The following TBC1D5 variants were observed in gnomAD, a reference collection of about 807,000 sequenced individuals.
TBC1D5 encodes TBC1 domain family, member 5.
TBC1D5 carries 75 observed loss-of-function variants against 100.3 expected under a neutral mutation model. The ratio of observed to expected loss-of-function variants is 0.75; its 90% CI spans 0.62 to 0.91. TBC1D5 has a LOEUF of 0.91. Among genes scored for constraint, TBC1D5 ranks in the 40% least tolerant of loss-of-function variants. The probability of loss-of-function intolerance (pLI) is 0.00; values close to 1 mark genes in which losing one functional copy is unlikely to be tolerated. For missense variants in TBC1D5, 910 were observed against 942.4 expected (o/e 0.97, Z 0.45); for synonymous variants, 323 against 325.6 (o/e 0.99, Z 0.09).
intron 1 of TBC1D5, among the ~76,000 whole-genome samples, chr3:17,693,911 T>C (rs528880236): frequency 6.6e-6 from 1 of 152,252 alleles, no homozygotes; most frequent in Non-Finnish European, 1.5e-5. Flanking sequence ...TCTGCAATAT[T>C]TGCTGTTCTG....
At chr3:17,729,178 A>C (rs2153982561) in intron 1 of TBC1D5, among the ~76,000 whole-genome samples, 1 of 152,162 alleles carries the variant, frequency 6.6e-6, no homozygotes, top group African/African-American at 2.4e-5. Flanking sequence ...TTCTAAACAA[A>C]TTAGTTCTCT....
intron 18 of TBC1D5, among the ~76,000 whole-genome samples, chr3:17,211,514 G>C (rs1195409619): frequency 6.6e-6 from 1 of 152,156 alleles, no homozygotes; most frequent in Non-Finnish European, 1.5e-5. Flanking sequence ...CATAGGGAAG[G>C]GAATCTAATT....
intron 8 of TBC1D5, among the ~76,000 whole-genome samples, chr3:17,387,519 T>C (rs2093202335): frequency 6.6e-6 from 1 of 152,036 alleles, no homozygotes. Context: ...ATCCAGAAGA[T>C]GTTACATTTA....
chr3:17,524,148 T>G (rs1469095645), intron 2 of TBC1D5, among the ~76,000 whole-genome samples: 2 of 152,158 alleles, frequency 1.3e-5, no homozygotes, highest in African/African-American at 2.4e-5. Context: ...GAACGGAATT[T>G]TATACATATA....
At chr3:17,471,670 C>CAAA (rs753132440) in intron 3 of TBC1D5, among the ~76,000 whole-genome samples, 9 of 22,274 alleles carry the variant, frequency 4.0e-4, no homozygotes, top group South Asian at 1.3e-3. Context: ...GACTCCGTCT[C>CAAA]AAAAAAAAAA....
intron 17 of TBC1D5, among the ~76,000 whole-genome samples, chr3:17,224,169 T>A (rs574504472): frequency 6.6e-6 from 1 of 152,180 alleles, no homozygotes. Flanking sequence ...TATATTACAA[T>A]GGACAAATTT....
intron 1 of TBC1D5, among the ~76,000 whole-genome samples, chr3:17,723,897 C>T (rs2153971355): frequency 6.6e-6 from 1 of 152,002 alleles, no homozygotes; most frequent in East Asian, 1.9e-4. Context: ...GTTCAAGGGT[C>T]AACTACATTA....
chr3:17,721,350 T>A (rs947065748), intron 1 of TBC1D5, among the ~76,000 whole-genome samples: 3 of 152,210 alleles, frequency 2.0e-5, no homozygotes, highest in African/African-American at 7.2e-5. Context: ...GTACATAGTT[T>A]ATAACCATTT....
At chr3:17,538,139 C>T (rs1169554249) in intron 2 of TBC1D5, among the ~76,000 whole-genome samples, 2 of 152,084 alleles carry the variant, frequency 1.3e-5, no homozygotes, top group Middle Eastern at 3.2e-3. Flanking sequence ...CAAACACGCA[C>T]ACCCCCACCC....
At chr3:17,405,858 A>G (rs1324437847) in intron 5 of TBC1D5, among the ~76,000 whole-genome samples, 1 of 152,072 alleles carries the variant, frequency 6.6e-6, no homozygotes, top group Non-Finnish European at 1.5e-5. Context: ...AGAAAACAAA[A>G]ACAAATAATA....
chr3:17,508,479 G>A, exon 3 of TBC1D5: 1 of 1,612,920 alleles, frequency 6.2e-7, no homozygotes, highest in Non-Finnish European at 8.5e-7. Flanking sequence ...CTCACCTCCA[G>A]ACTTGTTAGA....
chr3:17,388,253 C>A lies in TBC1D5; in HGVS notation c.510-4238G>T, dbSNP rs182279121. Among the ~76,000 whole-genome samples, 169 of 152,032 alleles carry A rather than the reference C, an allele frequency of 1.1e-3. 1 individual carries two copies. Among genetic ancestry groups the A allele is most frequent in the African/African-American group, 3.3e-3 (137 of 41,490 alleles). ...ACATAGTACACAATAATAACAAGAGCCATCACAAACATGTGGTGTGTAAGT... is the reference window on the plus strand; with the variant it reads ...ACATAGTACACAATAATAACAAGAGACATCACAAACATGTGGTGTGTAAGT... On this transcript the variant is annotated intron_variant, in intron 8 of 21. Coordinates refer to ENST00000253692, the Ensembl canonical transcript of TBC1D5.
At chr3:17,507,851 T>C (rs2095859954) in intron 3 of TBC1D5, among the ~76,000 whole-genome samples, 1 of 152,182 alleles carries the variant, frequency 6.6e-6, no homozygotes, top group African/African-American at 2.4e-5. Flanking sequence ...ACTATGTTAT[T>C]ACTATCATTA....
chr3:17,693,677 A>G (rs1195859208), intron 1 of TBC1D5, among the ~76,000 whole-genome samples: 1 of 152,212 alleles, frequency 6.6e-6, no homozygotes, highest in Non-Finnish European at 1.5e-5. Context: ...AAGGCAGCAG[A>G]CAACTTCTGC....
intron 1 of TBC1D5, among the ~76,000 whole-genome samples, chr3:17,644,766 A>G (rs1249631840): frequency 6.6e-6 from 1 of 152,174 alleles, no homozygotes; most frequent in Non-Finnish European, 1.5e-5. Flanking sequence ...ATTTATTTTC[A>G]TAATGGATAT....
At chr3:17,462,321 A>ATTTT (rs1188024653) in intron 3 of TBC1D5, among the ~76,000 whole-genome samples, 2,706 of 142,786 alleles carry the variant, frequency 0.019, 71 homozygotes, top group African/African-American at 0.069. Flanking sequence ...TTCGGACCTT[A>ATTTT]ATTTTTTTTT....
At chr3:17,233,572 T>C (rs538847096) in intron 17 of TBC1D5, 113 bp downstream of exon 18, 89 of 618,106 alleles carry the variant, frequency 1.4e-4, no homozygotes, top group South Asian at 1.3e-3. Context: ...TGGTAGTGAA[T>C]TGAAAACAGT....
At chr3:17,432,433 C>G (rs2094460949) in intron 3 of TBC1D5, among the ~76,000 whole-genome samples, 1 of 152,090 alleles carries the variant, frequency 6.6e-6, no homozygotes. Context: ...CAGCATTATC[C>G]ATAAAGTAGC....
At chr3:17,298,952 T>C (rs978799857) in intron 14 of TBC1D5, among the ~76,000 whole-genome samples, 9 of 152,216 alleles carry the variant, frequency 5.9e-5, no homozygotes, top group Admixed American at 1.3e-4. Flanking sequence ...TTCAGCCCTA[T>C]ACGTACTATG....
Sources: gnomAD v4.1 joint callset for allele counts (sites outside exome capture counted in the v4.1 genomes callset) on GRCh38, gnomAD v4.1.1 for gene constraint, MANE v1.5 for transcripts, NCBI Gene and HGNC (gene_info 2026-07-23, HGNC 2026-07-21) for gene names.